Variants in SLC41A2 observed in about 807,000 individuals in gnomAD.
The protein encoded by SLC41A2 is solute carrier family 41 member 2.
A neutral mutation model predicts 58.3 loss-of-function variants in SLC41A2; 32 were observed. The observed-to-expected ratio is 0.55, with a 90% confidence interval of 0.41 to 0.74. SLC41A2 has a LOEUF of 0.74. Ranked by LOEUF, SLC41A2 falls within the 30% of genes least tolerant of loss-of-function variation. The probability of loss-of-function intolerance (pLI) is 0.00; values close to 1 mark genes in which losing one functional copy is unlikely to be tolerated. For missense variants in SLC41A2, 514 were observed against 680.6 expected (o/e 0.76, Z 2.72); for synonymous variants, 190 against 235.0 (o/e 0.81, Z 1.75).
At chr12:104,820,502 C>T (rs747694508) in intron 10 of SLC41A2, among the ~76,000 whole-genome samples, 15 of 152,106 alleles carry the variant, frequency 9.9e-5, no homozygotes, top group Non-Finnish European at 1.3e-4. Flanking sequence ...AAACAATTTA[C>T]GTATACATTA....
chr12:104,815,602 G>T (rs190441573), intron 10 of SLC41A2, among the ~76,000 whole-genome samples: 4 of 152,186 alleles, frequency 2.6e-5, no homozygotes, highest in African/African-American at 7.2e-5. Flanking sequence ...GAAGAAAGAT[G>T]ATTTCTTTGG....
At chr12:104,854,926 C>T (rs1384716660) in intron 8 of SLC41A2, among the ~76,000 whole-genome samples, 1 of 152,084 alleles carries the variant, frequency 6.6e-6, no homozygotes, top group Non-Finnish European at 1.5e-5. Flanking sequence ...CTTTTCTTAC[C>T]ACAGTGAGAT....
intron 9 of SLC41A2, among the ~76,000 whole-genome samples, chr12:104,845,205 TCA>T (rs2042559733): frequency 6.6e-6 from 1 of 152,082 alleles, no homozygotes; most frequent in Non-Finnish European, 1.5e-5. Context: ...TGTGGGAGGA[TCA>T]CCTGAGCCCA....
intron 8 of SLC41A2, among the ~76,000 whole-genome samples, chr12:104,851,466 G>A (rs1356608561): frequency 9.2e-5 from 14 of 151,962 alleles, no homozygotes; most frequent in Admixed American, 8.5e-4. Flanking sequence ...TCACTGCAAC[G>A]TCGAACTCCT....
At position 104,877,040 on chromosome 12, in the gene SLC41A2, A is replaced by G. The variant is rs555899652; in HGVS notation, c.1027+9253T>C. ...GACCATAAGACTTTTCTTAATGTCC[A>G]GTTCTTTGAGCACTATATAATACAT... On this transcript the variant is annotated intron_variant, in intron 6 of 10. Coordinates refer to ENST00000258538, the MANE Select transcript of SLC41A2 (RefSeq NM_001352171.3). 2.6e-5 allele frequency among the ~76,000 whole-genome samples: 4 copies of G among 152,178 alleles called. No homozygotes were observed. The South Asian group carries it at 8.3e-4, about 31-fold the overall frequency.
At chr12:104,868,503 C>A (rs1460919594) in intron 6 of SLC41A2, among the ~76,000 whole-genome samples, 1 of 149,174 alleles carries the variant, frequency 6.7e-6, no homozygotes, top group Non-Finnish European at 1.5e-5. Flanking sequence ...AGAAAAAATA[C>A]CTTAGGAAAG....
rs1240367480 is a variant in SLC41A2 at position 104,958,089 on chromosome 12, T to G, written c.-169A>C. The G allele has an allele frequency of 1.3e-5, 2 of 152,280 alleles. No homozygotes were observed. The highest frequency in any genetic ancestry group is 2.9e-5 in the Non-Finnish European group (2 of 68,446). 9.4% of individuals were successfully genotyped at this position (152,280 alleles called of 1,614,324 possible). A position where few individuals can be genotyped will look rare whatever the true frequency, so the allele number is the denominator to read the frequency against. The stretch of plus-strand genomic sequence containing the variant: ...CCGAGACTTCCCCTCCATGGTCACC[T>G]GTTCCGGAGCGCGGCGGCGGCAGCG... On this transcript the variant is annotated splice_region_variant and 5_prime_UTR_variant, in exon 1 of 11. Coordinates refer to ENST00000258538, the MANE Select transcript of SLC41A2 (RefSeq NM_001352171.3).
At chr12:104,937,478 G>A (rs1044652546) in intron 1 of SLC41A2, among the ~76,000 whole-genome samples, 11 of 152,130 alleles carry the variant, frequency 7.2e-5, no homozygotes, top group Non-Finnish European at 1.5e-4. Flanking sequence ...TGTATAACAC[G>A]TTACTGTACT....
At chr12:104,915,123 AAAT>A (rs2046257696) in intron 2 of SLC41A2, among the ~76,000 whole-genome samples, 1 of 152,252 alleles carries the variant, frequency 6.6e-6, no homozygotes, top group Admixed American at 6.5e-5. Flanking sequence ...TTACTTACAT[AAAT>A]AATAGACTCA....
intron 2 of SLC41A2, 128 bp downstream of exon 2, chr12:104,927,845 G>C: frequency 1.2e-6 from 1 of 854,280 alleles, no homozygotes; most frequent in Non-Finnish European, 1.7e-6. Context: ...GTCAGCATCT[G>C]TTCATTTTAC....
intron 10 of SLC41A2, among the ~76,000 whole-genome samples, chr12:104,829,406 T>G (rs1269359739): frequency 6.6e-6 from 1 of 152,174 alleles, no homozygotes; most frequent in Non-Finnish European, 1.5e-5. Context: ...AGGACATACT[T>G]AGATTCAATA....
intron 1 of SLC41A2, among the ~76,000 whole-genome samples, chr12:104,956,934 A>C (rs2048191026): frequency 6.6e-6 from 1 of 152,198 alleles, no homozygotes. Flanking sequence ...GATGTGAAGA[A>C]ATCGGAACCC....
chr12:104,835,283 G>C (rs1414633679), intron 10 of SLC41A2, among the ~76,000 whole-genome samples: 1 of 152,202 alleles, frequency 6.6e-6, no homozygotes, highest in Non-Finnish European at 1.5e-5. Flanking sequence ...TCAGAGGAAT[G>C]TGTCAGATCT....
intron 1 of SLC41A2, among the ~76,000 whole-genome samples, chr12:104,929,061 C>T (rs2046958269): frequency 6.6e-6 from 1 of 152,162 alleles, no homozygotes; most frequent in Non-Finnish European, 1.5e-5. Flanking sequence ...AATCAAATTG[C>T]TATACCCTTT....
intron 1 of SLC41A2, among the ~76,000 whole-genome samples, chr12:104,934,632 G>A (rs2047192191): frequency 6.6e-6 from 1 of 152,134 alleles, no homozygotes; most frequent in Non-Finnish European, 1.5e-5. Flanking sequence ...AAGTAATCTA[G>A]GTGTTCATCA....
At chr12:104,810,970 T>C (rs1880360366) in intron 10 of SLC41A2, among the ~76,000 whole-genome samples, 1 of 152,224 alleles carries the variant, frequency 6.6e-6, no homozygotes, top group African/African-American at 2.4e-5. Context: ...TACAACTACT[T>C]TGGAGAACAA....
At chr12:104,876,909 C>T (rs967999808) in intron 6 of SLC41A2, among the ~76,000 whole-genome samples, 1 of 152,138 alleles carries the variant, frequency 6.6e-6, no homozygotes, top group Non-Finnish European at 1.5e-5. Context: ...GTCTTACTGT[C>T]TATTTCCCCC....
intron 8 of SLC41A2, among the ~76,000 whole-genome samples, chr12:104,857,764 C>A (rs1427045060): frequency 6.8e-6 from 1 of 147,174 alleles, no homozygotes; most frequent in Non-Finnish European, 1.5e-5. Flanking sequence ...GACAGAAAAC[C>A]AAACACCGCA....
At chr12:104,830,753 C>CT (rs1317479987) in intron 10 of SLC41A2, among the ~76,000 whole-genome samples, 1 of 152,038 alleles carries the variant, frequency 6.6e-6, no homozygotes, top group Non-Finnish European at 1.5e-5. Flanking sequence ...AAAACAAGGG[C>CT]TTGTCAAATG....
Sources: allele counts gnomAD v4.1 joint callset (sites outside exome capture counted in the v4.1 genomes callset), GRCh38; gene constraint gnomAD v4.1.1; transcripts MANE v1.5; gene names NCBI Gene and HGNC (gene_info 2026-07-23, HGNC 2026-07-21).